FAM184A: variants seen among roughly 807,000 people sequenced by gnomAD.
The protein encoded by FAM184A is protein FAM184A.
FAM184A carries 99 observed loss-of-function variants against 143.8 expected under a neutral mutation model. The ratio of observed to expected loss-of-function variants is 0.69; its 90% CI spans 0.58 to 0.81. The LOEUF is 0.81. Ranked by LOEUF, FAM184A falls within the 40% of genes least tolerant of loss-of-function variation. The pLI, the probability that FAM184A is intolerant of heterozygous loss-of-function variation, is 0.00. For synonymous variants in FAM184A, 427 were observed against 446.4 expected (o/e 0.96, Z 0.55); for missense variants, 1,217 against 1,310.5 (o/e 0.93, Z 1.10).
At position 118,980,335 on chromosome 6, in the gene FAM184A, G is replaced by C. The variant is rs1354265307; in HGVS notation, c.2104C>G (p.Gln702Glu). The part of the protein sequence containing the change: ...DLLNQISLLK[Q>E]NLEIQLSQSQ... ...TGGGAAAGCTGTATCTCCAGATTCT[G>C]TTTCAGCAAGGAAATCTATGCCCCA... is the stretch of plus-strand genomic sequence containing the variant. The change falls in exon 10 of 18, where the codon CAG becomes GAG. Residue 702 changes from glutamine (Q) to glutamate (E), a missense_variant. Physicochemically the swap from Gln to Glu is conservative, Grantham distance 29. Coordinates refer to ENST00000338891, the MANE Select transcript of FAM184A (RefSeq NM_024581.6). The C allele has an allele frequency of 1.9e-6, 3 of 1,613,750 alleles. No homozygotes were observed. The highest frequency in any genetic ancestry group is 1.7e-6 in the Non-Finnish European group (2 of 1,179,792).
chr6:118,980,464 T>C, intron 9 of FAM184A, 114 bp from the exon 10 acceptor site: 1 of 720,736 alleles, frequency 1.4e-6, no homozygotes. Context: ...ATAACTGCCT[T>C]AATGTTTCCA....
In FAM184A at chr6:119,078,015, G is replaced by A; in HGVS notation, c.159+126C>T. 1 of 1,145,966 alleles carries A rather than the reference G, an allele frequency of 8.7e-7. No individual in the cohort carries two copies. Among genetic ancestry groups the A allele is most frequent in the South Asian group, 1.6e-5 (1 of 64,260 alleles). The allele number at this position is 1,145,966 out of a possible 1,614,324, so 71.0% of individuals were successfully genotyped here. Reference sequence around the variant, plus strand: ...CAGGGTTTTGGAGGTGTCTCCGGCTGTTGCTTCGGCGGAGGAGTAGAGTTC... The same window carrying A: ...CAGGGTTTTGGAGGTGTCTCCGGCTATTGCTTCGGCGGAGGAGTAGAGTTC... On this transcript the variant is annotated intron_variant, in intron 1 of 17. Transcript: ENST00000338891. The surrounding 1 kb of genome is among the most constrained non-coding windows in gnomAD (Gnocchi z 5.5).
At chr6:119,054,470 C>T (rs1383049278) in intron 1 of FAM184A, among the ~76,000 whole-genome samples, 1 of 152,136 alleles carries the variant, frequency 6.6e-6, no homozygotes, top group Admixed American at 6.5e-5. Context: ...AAATAAGCTC[C>T]CTTGGACCTC....
At chr6:119,084,511 G>T (rs1449588455) in intron 1 of FAM184A, among the ~76,000 whole-genome samples, 1 of 152,226 alleles carries the variant, frequency 6.6e-6, no homozygotes, top group Non-Finnish European at 1.5e-5. Context: ...CAGGGTTCAG[G>T]CCCCACAGTT....
At chr6:118,979,002 A>G (rs1399775689) in intron 11 of FAM184A, among the ~76,000 whole-genome samples, 1 of 152,112 alleles carries the variant, frequency 6.6e-6, no homozygotes, top group Admixed American at 6.5e-5. Flanking sequence ...CAAAATCTTG[A>G]AGTGTAAAAA....
rs145254148 is a variant in FAM184A at position 118,977,504 on chromosome 6, C to T, written c.2456-1460G>A. Among the ~76,000 whole-genome samples the T allele has an allele frequency of 1.0e-3, 153 of 152,190 alleles. No homozygotes were observed. In the East Asian group the frequency reaches 0.024, roughly 24 times the overall value. ...CTGAGGCAGGAGGATTGCTTGAACC[C>T]GGGAGGTGGAGGTTGCAGTGAGCTG... On this transcript the variant is annotated intron_variant, in intron 11 of 17. Transcript: ENST00000338891.
intron 1 of FAM184A, among the ~76,000 whole-genome samples, chr6:119,061,531 CTTTTTTTTTTTTT>C (rs977029986): frequency 1.7e-5 from 1 of 58,530 alleles, no homozygotes; most frequent in African/African-American, 7.4e-5. Flanking sequence ...AATTATTTTT[CTTTTTTTTTTTTT>C]TTTTTTTTTT....
At chr6:119,063,147 T>C (rs181920081) in intron 1 of FAM184A, among the ~76,000 whole-genome samples, 2 of 152,318 alleles carry the variant, frequency 1.3e-5, no homozygotes, top group Non-Finnish European at 1.5e-5. Context: ...ATTCATGCTA[T>C]TCATTATTTT....
intron 1 of FAM184A, among the ~76,000 whole-genome samples, chr6:119,117,067 GA>G (rs1219774680): frequency 6.6e-5 from 10 of 152,224 alleles, no homozygotes; most frequent in African/African-American, 2.2e-4. Context: ...TGACCAAGTA[GA>G]ACTACCAGGT....
At position 119,078,123 on chromosome 6, in the gene FAM184A, C is replaced by A; in HGVS notation, c.159+18G>T. On this transcript the variant is annotated intron_variant, in intron 1 of 17. Transcript: ENST00000338891. The surrounding 1 kb of genome is among the most constrained non-coding windows in gnomAD (Gnocchi z 5.5). ...GCCCGCACGGGGTCGCCACCTGCCC[C>A]GTCGCTGCCCCCCTTACCTTGGTGA... 6.4e-7 allele frequency: 1 copy of A among 1,571,658 alleles called. No homozygotes were observed. The highest frequency in any genetic ancestry group is 8.6e-7 in the Non-Finnish European group (1 of 1,162,228).
chr6:119,107,491 G>C (rs1582622159), intron 1 of FAM184A, among the ~76,000 whole-genome samples: 2 of 152,208 alleles, frequency 1.3e-5, no homozygotes, highest in South Asian at 4.1e-4. Context: ...GCTGGGCACA[G>C]TGGCTCATGC....
At chr6:118,989,555 CTAAGATATCCAA>C (rs958476371) in intron 9 of FAM184A, among the ~76,000 whole-genome samples, 3 of 151,866 alleles carry the variant, frequency 2.0e-5, no homozygotes, top group African/African-American at 7.2e-5. Flanking sequence ...ATAACTTAGA[CTAAGATATCCAA>C]TGATATAACT....
intron 1 of FAM184A, among the ~76,000 whole-genome samples, chr6:119,071,211 G>T (rs1787674316): frequency 6.6e-6 from 1 of 152,108 alleles, no homozygotes; most frequent in South Asian, 2.1e-4. Flanking sequence ...GCTAGCAAAG[G>T]ATTTTCATAA....
chr6:119,049,488 A>G (rs1044465624), intron 1 of FAM184A, among the ~76,000 whole-genome samples: 1 of 152,172 alleles, frequency 6.6e-6, no homozygotes, highest in Non-Finnish European at 1.5e-5. Context: ...AAACAGGCAC[A>G]TAGACCAATG....
At chr6:119,125,812 C>T (rs1165957554) in intron 1 of FAM184A, among the ~76,000 whole-genome samples, 1 of 152,194 alleles carries the variant, frequency 6.6e-6, no homozygotes, top group African/African-American at 2.4e-5. Context: ...TTGGAAGCAA[C>T]TAGCAAGCCA....
At chr6:118,980,378 G>A (rs1178384216) in intron 9 of FAM184A, 28 bp from the exon 10 acceptor site, 2 of 1,579,686 alleles carry the variant, frequency 1.3e-6, no homozygotes, top group South Asian at 1.1e-5. Flanking sequence ...ACACAATGAA[G>A]AATAAATACA....
intron 1 of FAM184A, among the ~76,000 whole-genome samples, chr6:119,053,238 T>C (rs1166051031): frequency 2.0e-5 from 3 of 152,196 alleles, no homozygotes; most frequent in Non-Finnish European, 4.4e-5. Flanking sequence ...AATGAGGTCA[T>C]GCACCTCTAC....
At position 119,024,012 on chromosome 6, in the gene FAM184A, CAAG is replaced by C. The variant is rs1180211441; in HGVS notation, c.958_960del (p.Leu320del). ...GCCGTCTGAAGCTTTTGGCATTTGT[CAAG>C]AAGACTTCCAGCTTCATCCTGTACC... On this transcript the variant is annotated inframe_deletion, in exon 2 of 18. Transcript: ENST00000338891. 12 of 1,609,832 alleles carry C rather than the reference CAAG, an allele frequency of 7.5e-6. No homozygotes were observed. The highest frequency in any genetic ancestry group is 5.4e-5 in the African/African-American group (4 of 74,414).
At chr6:119,095,709 C>T (rs561365291) in intron 1 of FAM184A, among the ~76,000 whole-genome samples, 4 of 152,164 alleles carry the variant, frequency 2.6e-5, no homozygotes, top group African/African-American at 9.6e-5. Flanking sequence ...CAAGTGCACA[C>T]CACCACACCT....
Sources: gnomAD v4.1 joint callset for allele counts (sites outside exome capture counted in the v4.1 genomes callset) on GRCh38, gnomAD v4.1.1 for gene constraint, Gnocchi (gnomAD v3.1) non-coding constraint, MANE v1.5 for transcripts, NCBI Gene and HGNC (gene_info 2026-07-23, HGNC 2026-07-21) for gene names.